The following CCDC33 variants were observed in gnomAD, a reference collection of about 807,000 sequenced individuals.
CCDC33 encodes the protein coiled-coil domain containing 33.
Under a neutral mutation model 91.9 loss-of-function variants are expected in CCDC33, and 94 were observed. That is an observed-to-expected ratio of 1.02 (90% CI 0.87 to 1.21). CCDC33 has a LOEUF of 1.21. CCDC33 is among the 50% of genes most tolerant of loss of function. The probability of loss-of-function intolerance (pLI) is 0.00; values close to 1 mark genes in which losing one functional copy is unlikely to be tolerated. For missense variants in CCDC33, 940 were observed against 935.5 expected (o/e 1.00, Z -0.06); for synonymous variants, 396 against 374.5 (o/e 1.06, Z -0.66).
intron 2 of CCDC33, among the ~76,000 whole-genome samples, chr15:74,220,597 G>A (rs1319630014): frequency 2.6e-5 from 4 of 152,204 alleles, no homozygotes; most frequent in Admixed American, 6.5e-5. Flanking sequence ...GAATGTGTGC[G>A]AGGGAGGGGA....
At chr15:74,293,669 C>T (rs1376764730) in intron 10 of CCDC33, among the ~76,000 whole-genome samples, 1 of 152,160 alleles carries the variant, frequency 6.6e-6, no homozygotes, top group Non-Finnish European at 1.5e-5. Flanking sequence ...GAGAGAGAGC[C>T]AGGCCTGATG....
At chr15:74,289,059 G>A (rs1445947139) in intron 10 of CCDC33, among the ~76,000 whole-genome samples, 2 of 152,162 alleles carry the variant, frequency 1.3e-5, no homozygotes, top group Non-Finnish European at 2.9e-5. Flanking sequence ...ATGAGGACAG[G>A]GCTCCTGGGG....
intron 10 of CCDC33, among the ~76,000 whole-genome samples, chr15:74,288,321 C>T (rs2059519066): frequency 1.3e-5 from 2 of 152,216 alleles, no homozygotes; most frequent in South Asian, 4.1e-4. Context: ...AACCCACTCT[C>T]ATTCCTCTTC....
intron 13 of CCDC33, 45 bp downstream of exon 13, chr15:74,330,796 G>A (rs1226335754): frequency 8.4e-6 from 13 of 1,556,802 alleles, no homozygotes; most frequent in Non-Finnish European, 1.1e-5. Flanking sequence ...GCTATGGTGG[G>A]GGAGCATCGG....
intron 11 of CCDC33, among the ~76,000 whole-genome samples, chr15:74,307,110 G>A (rs1244975712): frequency 6.6e-6 from 1 of 152,182 alleles, no homozygotes; most frequent in East Asian, 1.9e-4. Context: ...CGAGGCAGGA[G>A]TGGAGCACTC....
chr15:74,235,425 G>A (rs1028554804), upstream of CCDC33, among the ~76,000 whole-genome samples: 1 of 152,106 alleles, frequency 6.6e-6, no homozygotes, highest in East Asian at 1.9e-4. Flanking sequence ...CCTGCTCTTC[G>A]GCCAGATTAA....
intron 6 of CCDC33, among the ~76,000 whole-genome samples, 186 bp downstream of exon 6, chr15:74,271,980 CT>C (rs1382536401): frequency 6.6e-6 from 1 of 152,216 alleles, no homozygotes; most frequent in African/African-American, 2.4e-5. Flanking sequence ...CCATGCCTTT[CT>C]TTCCCCAGGG....
chr15:74,204,681 C>T (rs1479991387), intron 1 of CCDC33, among the ~76,000 whole-genome samples: 1 of 152,214 alleles, frequency 6.6e-6, no homozygotes, highest in Non-Finnish European at 1.5e-5. Context: ...ACTTGTAATC[C>T]TAGCACTTTG....
In CCDC33 at chr15:74,218,800, C is replaced by G. The variant is rs1466195991; in HGVS notation, c.614C>G (p.Pro205Arg). ...CAGCCTCCAGTCTCAGACAGCCCTC[C>G]CAGGGCTGGCCAGCCAGAACTGATG... The change falls in exon 2 of 3, where the codon CCC (proline) becomes CGC (arginine). Residue 205 changes from proline to arginine, a missense_variant. Physicochemically the swap from Pro to Arg is moderately radical, Grantham distance 103. Transcript: ENST00000635913. This position sits in a 1 kb window ranked among gnomAD's most constrained non-coding sequence, Gnocchi z 4.8. 7.8e-7 allele frequency: 1 copy of G among 1,284,360 alleles called. No homozygotes were observed. The allele number at this position is 1,284,360 out of a possible 1,614,324, so 79.6% of individuals were successfully genotyped here.
intron 2 of CCDC33, among the ~76,000 whole-genome samples, chr15:74,220,012 G>C (rs915374121): frequency 3.9e-5 from 6 of 152,190 alleles, no homozygotes; most frequent in Non-Finnish European, 7.4e-5. Flanking sequence ...GTCAGGCTGG[G>C]AGAGGGCCTG....
At chr15:74,231,809 A>G (rs368450962), upstream of CCDC33, among the ~76,000 whole-genome samples, 2 of 152,202 alleles carry the variant, frequency 1.3e-5, no homozygotes, top group African/African-American at 4.8e-5. Flanking sequence ...TGAGGTCAGG[A>G]GTTCGAGACC....
Position 74,331,037 on chromosome 15 carries a change from C to T in CCDC33, c.1602C>T (p.Ala534=), listed in dbSNP as rs538249694. 27 of 1,612,310 alleles carry T rather than the reference C, an allele frequency of 1.7e-5. No individual in the cohort carries two copies. The African/African-American group carries it at 2.0e-4, about 12-fold the overall frequency. Residue 534 remains alanine, a synonymous_variant, in exon 14 of 19, where the codon GCC becomes GCT. Transcript: ENST00000398814. Reference sequence around the variant, plus strand: ...TGTATCAGGCCCAGCAGCCACAGGCCGCTCTGCTGAAGCAGTACCAGGGCA... The same window carrying T: ...TGTATCAGGCCCAGCAGCCACAGGCTGCTCTGCTGAAGCAGTACCAGGGCA... The part of the protein sequence containing the change: ...LLLYQAQQPQ[A]ALLKQYQGKL...
upstream of CCDC33, among the ~76,000 whole-genome samples, chr15:74,215,831 A>C (rs7166255): frequency 4.0e-4 from 61 of 150,844 alleles, no homozygotes; most frequent in African/African-American, 1.5e-3. Flanking sequence ...AGATCTCGCC[A>C]CTGCACTCCA....
chr15:74,207,663 G>A (rs557098379), intron 1 of CCDC33: 83 of 1,525,272 alleles, frequency 5.4e-5, no homozygotes, highest in African/African-American at 3.8e-4. Context: ...CAAGAGAGGC[G>A]TTCCAGGAGT....
intron 3 of CCDC33, among the ~76,000 whole-genome samples, chr15:74,265,466 C>T (rs2076141517): frequency 6.6e-6 from 1 of 152,120 alleles, no homozygotes; most frequent in Non-Finnish European, 1.5e-5. Flanking sequence ...ATAAAGATGC[C>T]TCAAGTGTCA....
intron 18 of CCDC33, 108 bp downstream of exon 18, chr15:74,335,196 C>A: frequency 1.1e-6 from 1 of 890,934 alleles, no homozygotes; most frequent in Non-Finnish European, 1.9e-6. Context: ...GGAGCCAACT[C>A]CAGGGCTGGG....
chr15:74,204,896 C>T lies in CCDC33; in HGVS notation n.89+1798C>T, dbSNP rs2074224669. Reference sequence around the variant, plus strand: ...GTTGCAGTGAGCCAAGATCGTGCCACTGCACTCCAGCCTGGACAAAAGAGG... The same window carrying T: ...GTTGCAGTGAGCCAAGATCGTGCCATTGCACTCCAGCCTGGACAAAAGAGG... On this transcript the variant is annotated intron_variant and non_coding_transcript_variant, in intron 1 of 3. Transcript: ENST00000558645. Among the ~76,000 whole-genome samples, 3 of 151,986 alleles carry T rather than the reference C, an allele frequency of 2.0e-5. No individual in the cohort carries two copies. The South Asian group carries it at 6.2e-4, about 31-fold the overall frequency.
At chr15:74,298,666 A>G (rs2059734504) in intron 11 of CCDC33, among the ~76,000 whole-genome samples, 2 of 150,458 alleles carry the variant, frequency 1.3e-5, no homozygotes, top group South Asian at 2.1e-4. Context: ...CAGTCTCTCA[A>G]GTAGCTGGGA....
intron 11 of CCDC33, among the ~76,000 whole-genome samples, chr15:74,309,120 A>G (rs986565108): frequency 1.2e-4 from 18 of 152,082 alleles, no homozygotes; most frequent in African/African-American, 4.3e-4. Flanking sequence ...ACCTGTCCCA[A>G]GCCCAAATCT....
Sources: allele counts gnomAD v4.1 joint callset (sites outside exome capture counted in the v4.1 genomes callset), GRCh38; gene constraint gnomAD v4.1.1; non-coding constraint Gnocchi (gnomAD v3.1); transcripts MANE v1.5; gene names NCBI Gene and HGNC (gene_info 2026-07-23, HGNC 2026-07-21).